Variants in CDK8 observed in about 807,000 individuals in gnomAD.
The protein encoded by CDK8 is cyclin-dependent kinase 8.
A neutral mutation model predicts 71.5 loss-of-function variants in CDK8; 29 were observed. The ratio of observed to expected loss-of-function variants is 0.41; its 90% CI spans 0.30 to 0.55. The LOEUF is 0.55. CDK8 is among the 20% of genes least tolerant of loss of function. The probability of loss-of-function intolerance (pLI) is 0.37; values close to 1 mark genes in which losing one functional copy is unlikely to be tolerated. For synonymous variants in CDK8, 161 were observed against 192.1 expected (o/e 0.84, Z 1.34); for missense variants, 288 against 572.6 (o/e 0.50, Z 5.07).
intron 1 of CDK8, among the ~76,000 whole-genome samples, chr13:26,282,556 C>T (rs768321922): frequency 5.3e-5 from 8 of 152,158 alleles, no homozygotes; most frequent in Non-Finnish European, 8.8e-5. Flanking sequence ...ACAAGAAATG[C>T]TAAAAGGAGT....
intron 2 of CDK8, among the ~76,000 whole-genome samples, chr13:26,344,744 C>G (rs1873389194): frequency 6.8e-6 from 1 of 147,648 alleles, no homozygotes; most frequent in Non-Finnish European, 1.5e-5. Context: ...ATGAGACTGT[C>G]TCAAAAAAAA....
chr13:26,347,061 AG>A (rs752805687), intron 2 of CDK8, among the ~76,000 whole-genome samples: 4 of 152,122 alleles, frequency 2.6e-5, no homozygotes, highest in Non-Finnish European at 5.9e-5. Flanking sequence ...GCTTCATGAG[AG>A]GCTTTTTCTT....
rs2138067558 is a variant in CDK8, at chr13:26,396,338, G to A, written c.844G>A (p.Asp282Asn). 1 of 1,456,084 alleles carries A rather than the reference G, an allele frequency of 6.9e-7. No individual in the cohort carries two copies. The highest frequency in any genetic ancestry group is 2.4e-5 in the East Asian group (1 of 42,054). The allele number at this position is 1,456,084 out of a possible 1,614,324, so 90.2% of individuals were successfully genotyped here. A position where few individuals can be genotyped will look rare whatever the true frequency, so the allele number is the denominator to read the frequency against. The change falls in exon 8 of 13, where the codon GAT becomes AAT. Residue 282 changes from aspartate to asparagine, a missense_variant. Asp to Asn is a conservative substitution (Grantham distance 23). Coordinates refer to ENST00000381527, the MANE Select transcript of CDK8 (RefSeq NM_001260.3). ...GCCTGAACATTCAACATTAATGAAA[G>A]ATTTCAGAAGAAATACGTAAGTTGG... ...KMPEHSTLMKDFRRNTYTNCS... is the reference protein window; with the variant it reads ...KMPEHSTLMKNFRRNTYTNCS...
intron 1 of CDK8, among the ~76,000 whole-genome samples, chr13:26,305,008 G>T (rs575789814): frequency 6.6e-6 from 1 of 152,138 alleles, no homozygotes; most frequent in South Asian, 2.1e-4. Flanking sequence ...TAGCTTACAA[G>T]ATATTATCAT....
chr13:26,352,410 G>A (rs1432136987), intron 3 of CDK8, among the ~76,000 whole-genome samples: 2 of 152,014 alleles, frequency 1.3e-5, no homozygotes, highest in Non-Finnish European at 1.5e-5. Context: ...TAGAGACGGG[G>A]TTTCACCGTG....
At chr13:26,294,096 T>C (rs1299551005) in intron 1 of CDK8, among the ~76,000 whole-genome samples, 1 of 151,578 alleles carries the variant, frequency 6.6e-6, no homozygotes, top group African/African-American at 2.4e-5. Context: ...AATGACCAGA[T>C]TTCCTTGTTT....
intron 1 of CDK8, among the ~76,000 whole-genome samples, chr13:26,274,640 C>A (rs1001802413): frequency 2.6e-5 from 4 of 152,016 alleles, no homozygotes; most frequent in African/African-American, 9.7e-5. Context: ...ACGATGTTAG[C>A]CAGGATGGTC....
At chr13:26,299,209 T>C (rs1873706045) in intron 1 of CDK8, among the ~76,000 whole-genome samples, 1 of 152,194 alleles carries the variant, frequency 6.6e-6, no homozygotes, top group Admixed American at 6.5e-5. Context: ...TCAGGAACCA[T>C]CGTTATTTTC....
rs1038626730 is a variant in CDK8 at position 26,343,511 on chromosome 13, G to A, written c.205-5561G>A. Among the ~76,000 whole-genome samples, 8 of 151,690 alleles carry A rather than the reference G, an allele frequency of 5.3e-5. No individual in the cohort carries two copies. The East Asian group carries it at 7.7e-4, about 15-fold the overall frequency. ...TGCTTTCCCTTTTGTCTATGGATTC[G>A]CCCCAAATTCTTTCTTGTTCAAGGT... On this transcript the variant is annotated intron_variant, in intron 2 of 12. Transcript: ENST00000381527.
intron 1 of CDK8, among the ~76,000 whole-genome samples, chr13:26,328,626 A>G (rs1875135012): frequency 6.6e-6 from 1 of 152,158 alleles, no homozygotes; most frequent in Non-Finnish European, 1.5e-5. Flanking sequence ...ATCCCTTTCT[A>G]AGTGATTTGT....
chr13:26,311,214 T>C (rs985458311), intron 1 of CDK8, among the ~76,000 whole-genome samples: 2 of 152,212 alleles, frequency 1.3e-5, no homozygotes, highest in Non-Finnish European at 2.9e-5. Flanking sequence ...ATTTTTCTCA[T>C]CCTGCCTTCT....
At chr13:26,353,090 G>T (rs1485061268) in intron 3 of CDK8, among the ~76,000 whole-genome samples, 1 of 152,118 alleles carries the variant, frequency 6.6e-6, no homozygotes, top group African/African-American at 2.4e-5. Flanking sequence ...AACTTTTCAA[G>T]AAAAAACTTG....
At chr13:26,312,860 A>G (rs1874352835) in intron 1 of CDK8, among the ~76,000 whole-genome samples, 1 of 152,182 alleles carries the variant, frequency 6.6e-6, no homozygotes, top group Non-Finnish European at 1.5e-5. Context: ...TATATTTAAT[A>G]AATTTCCTTA....
intron 1 of CDK8, among the ~76,000 whole-genome samples, chr13:26,258,251 A>G (rs916632314): frequency 6.6e-6 from 1 of 152,172 alleles, no homozygotes; most frequent in Non-Finnish European, 1.5e-5. Flanking sequence ...GCTCTTAACC[A>G]TTATGCTTCC....
At chr13:26,352,417 C>T (rs1421783548) in intron 3 of CDK8, among the ~76,000 whole-genome samples, 1 of 152,056 alleles carries the variant, frequency 6.6e-6, no homozygotes, top group Non-Finnish European at 1.5e-5. Flanking sequence ...GGGGTTTCAC[C>T]GTGTTAGCCA....
chr13:26,370,735 C>A (rs1874625635), intron 4 of CDK8, among the ~76,000 whole-genome samples: 1 of 152,110 alleles, frequency 6.6e-6, no homozygotes, highest in African/African-American at 2.4e-5. Flanking sequence ...GATTTACTCA[C>A]TGTTGAGTAA....
rs2137999478 is a variant in CDK8 at position 26,353,859 on chromosome 13, C to T, written c.435C>T (p.Asn145=). The part of the protein sequence containing the change: ...ILDGIHYLHA[N]WVLHRDLKPA... ...ATGGTATTCACTACCTGCATGCTAA[C>T]TGGGTGTTGCACAGAGATTTGGTAA... The change falls in exon 4 of 13, where the codon AAC becomes AAT. Residue 145 remains asparagine, a synonymous_variant. Coordinates refer to ENST00000381527, the MANE Select transcript of CDK8 (RefSeq NM_001260.3). The T allele has an allele frequency of 6.2e-7, 1 of 1,613,340 alleles. No homozygotes were observed. The highest frequency in any genetic ancestry group is 1.3e-5 in the African/African-American group (1 of 75,004).
At chr13:26,311,417 A>T (rs909913370) in intron 1 of CDK8, among the ~76,000 whole-genome samples, 2 of 152,202 alleles carry the variant, frequency 1.3e-5, no homozygotes, top group African/African-American at 4.8e-5. Context: ...GTCGCAAATA[A>T]TAGGAAATTC....
chr13:26,369,448 CAAAAAAAAAA>C (rs1162252506), intron 4 of CDK8, among the ~76,000 whole-genome samples: 2 of 46,674 alleles, frequency 4.3e-5, no homozygotes, highest in African/African-American at 1.8e-4. Context: ...GACCCTGTCT[CAAAAAAAAAA>C]AAAAAAAAAA....
Sources: gnomAD v4.1 joint callset for allele counts (sites outside exome capture counted in the v4.1 genomes callset) on GRCh38, gnomAD v4.1.1 for gene constraint, MANE v1.5 for transcripts, NCBI Gene and HGNC (gene_info 2026-07-23, HGNC 2026-07-21) for gene names.